PDZRN3: variants seen among roughly 807,000 people sequenced by gnomAD.
The protein encoded by PDZRN3 is PDZ domain containing ring finger 3.
PDZRN3 carries 38 observed loss-of-function variants against 85.7 expected under a neutral mutation model. The observed-to-expected ratio is 0.44, with a 90% confidence interval of 0.34 to 0.58. The LOEUF (loss-of-function observed/expected upper bound fraction) is 0.58. PDZRN3 is among the 20% of genes least tolerant of loss of function. PDZRN3 has a pLI of 0.01. For synonymous variants in PDZRN3, 759 were observed against 638.0 expected, an observed-to-expected ratio of 1.19 and a Z score of -2.86; for missense variants, 1,629 against 1,506.4, an observed-to-expected ratio of 1.08 and a Z score of -1.35.
At chr3:73,542,561 G>A (rs536723334) in intron 3 of PDZRN3, among the ~76,000 whole-genome samples, 176 of 152,236 alleles carry the variant, frequency 1.2e-3, no homozygotes, top group African/African-American at 4.0e-3. Context: ...ATCACCTGAG[G>A]TTAGGAGTTT....
At chr3:73,501,935 G>C (rs1159964969) in intron 3 of PDZRN3, among the ~76,000 whole-genome samples, 4 of 152,220 alleles carry the variant, frequency 2.6e-5, no homozygotes, top group Non-Finnish European at 5.9e-5. Context: ...AGAATCGCTT[G>C]AACCTGGGAG....
chr3:73,408,199 G>A, intron 3 of PDZRN3: 2 of 703,182 alleles, frequency 2.8e-6, no homozygotes, highest in South Asian at 3.0e-5. Context: ...GATGAAGCCA[G>A]CGTTGGAATC....
intron 3 of PDZRN3, chr3:73,569,286 T>C (rs1702006666): frequency 8.0e-7 from 1 of 1,249,646 alleles, no homozygotes; most frequent in Admixed American, 2.7e-5. Flanking sequence ...AAATGAAGAC[T>C]GAGATACTGA....
chr3:73,512,533 C>CT (rs1013216521), intron 3 of PDZRN3, among the ~76,000 whole-genome samples: 94 of 148,158 alleles, frequency 6.3e-4, no homozygotes, highest in South Asian at 3.6e-3. Flanking sequence ...TGTTTTTTTT[C>CT]TTTTTTTTTT....
rs150982342 is a variant in PDZRN3 at position 73,387,534 on chromosome 3, A to G, written c.1518+434T>C. ...AGGGCCTAGCACTTATTCGGTGGTC[A>G]TATCAGTTTTAATTATTTATCATTC... On this transcript the variant is annotated intron_variant, in intron 8 of 9. Coordinates refer to ENST00000263666, the MANE Select transcript of PDZRN3 (RefSeq NM_015009.3). Among the ~76,000 whole-genome samples the G allele has an allele frequency of 1.3e-3, 200 of 152,312 alleles. 1 individual carries two copies. The highest frequency in any genetic ancestry group is 4.6e-3 in the African/African-American group (193 of 41,576).
At chr3:73,607,513 T>C (rs1348321384) in intron 2 of PDZRN3, among the ~76,000 whole-genome samples, 3 of 152,162 alleles carry the variant, frequency 2.0e-5, no homozygotes, top group African/African-American at 7.2e-5. Context: ...CATCAGTCTC[T>C]CCATCTGGAG....
chr3:73,529,041 C>G (rs1704592925), intron 3 of PDZRN3, among the ~76,000 whole-genome samples: 1 of 152,100 alleles, frequency 6.6e-6, no homozygotes, highest in African/African-American at 2.4e-5. Flanking sequence ...AGTATACTTA[C>G]AGATATTTCA....
intron 3 of PDZRN3, among the ~76,000 whole-genome samples, chr3:73,424,541 C>CAAA (rs34550639): frequency 2.6e-4 from 14 of 54,202 alleles, no homozygotes; most frequent in East Asian, 1.1e-3. Flanking sequence ...GACTCCATCT[C>CAAA]AAAAAAAAAA....
chr3:73,542,853 A>G (rs779936905), intron 3 of PDZRN3, among the ~76,000 whole-genome samples: 6 of 152,196 alleles, frequency 3.9e-5, no homozygotes, highest in Non-Finnish European at 5.9e-5. Context: ...ACATATATAC[A>G]TTAACTTCAT....
chr3:73,576,036 T>C (rs895077031), intron 3 of PDZRN3, among the ~76,000 whole-genome samples: 4 of 152,174 alleles, frequency 2.6e-5, no homozygotes, highest in Admixed American at 2.6e-4. Flanking sequence ...AGTCATCTTC[T>C]GTTATATTGC....
intron 1 of PDZRN3, among the ~76,000 whole-genome samples, chr3:73,618,285 T>A (rs954662466): frequency 1.3e-5 from 2 of 152,158 alleles, no homozygotes; most frequent in Non-Finnish European, 2.9e-5. Context: ...ACACCTCCAA[T>A]CCAAACAGTA....
intron 3 of PDZRN3, among the ~76,000 whole-genome samples, chr3:73,416,889 T>TTTTTTTTTTTTTTTTTTG (rs1702099122): frequency 7.4e-6 from 1 of 135,024 alleles, no homozygotes; most frequent in Admixed American, 7.3e-5. Flanking sequence ...TTTTTTTTTT[T>TTTTTTTTTTTTTTTTTTG]TTTTTTTTTT....
At chr3:73,493,689 C>T (rs1703817447) in intron 3 of PDZRN3, among the ~76,000 whole-genome samples, 1 of 152,220 alleles carries the variant, frequency 6.6e-6, no homozygotes, top group Non-Finnish European at 1.5e-5. Flanking sequence ...TAAGTTGATT[C>T]TATCACGACT....
chr3:73,476,790 C>T (rs1338005091), intron 3 of PDZRN3, among the ~76,000 whole-genome samples: 1 of 152,174 alleles, frequency 6.6e-6, no homozygotes, highest in Non-Finnish European at 1.5e-5. Flanking sequence ...AGACCTGAGG[C>T]CTTGGCAAAC....
chr3:73,506,881 A>T (rs1473431383), intron 3 of PDZRN3, among the ~76,000 whole-genome samples: 1 of 144,268 alleles, frequency 6.9e-6, no homozygotes, highest in African/African-American at 2.6e-5. Context: ...CCAGCAGCCC[A>T]GGTGACCATG....
intron 3 of PDZRN3, among the ~76,000 whole-genome samples, chr3:73,562,490 C>G (rs1422084800): frequency 6.6e-6 from 1 of 152,158 alleles, no homozygotes; most frequent in Non-Finnish European, 1.5e-5. Context: ...TCCCTGTAAA[C>G]TACACACAAA....
intron 1 of PDZRN3, among the ~76,000 whole-genome samples, chr3:73,615,978 G>C (rs1312901696): frequency 6.6e-6 from 1 of 152,214 alleles, no homozygotes; most frequent in African/African-American, 2.4e-5. Context: ...TTGGGTTATG[G>C]GGGTGGACAC....
intron 3 of PDZRN3, among the ~76,000 whole-genome samples, chr3:73,583,959 T>G (rs1702237642): frequency 6.6e-6 from 1 of 152,288 alleles, no homozygotes; most frequent in African/African-American, 2.4e-5. Flanking sequence ...CATTTTAGTT[T>G]CCTTAAATAA....
intron 3 of PDZRN3, among the ~76,000 whole-genome samples, chr3:73,520,065 A>T (rs1380783526): frequency 1.3e-5 from 2 of 152,190 alleles, no homozygotes; most frequent in African/African-American, 2.4e-5. Context: ...AACACAGAAG[A>T]GTTTTAAGCA....
Sources: allele counts gnomAD v4.1 joint callset (sites outside exome capture counted in the v4.1 genomes callset), GRCh38; gene constraint gnomAD v4.1.1; transcripts MANE v1.5; gene names NCBI Gene and HGNC (gene_info 2026-07-23, HGNC 2026-07-21).